PRR5L: variants seen among roughly 807,000 people sequenced by gnomAD.
The protein encoded by PRR5L is proline rich 5 like.
Under a neutral mutation model 36.4 loss-of-function variants are expected in PRR5L, and 21 were observed. The observed-to-expected ratio is 0.58, with a 90% CI of 0.41 to 0.83. The LOEUF (loss-of-function observed/expected upper bound fraction) is 0.83. PRR5L is among the 40% of genes least tolerant of loss of function. The pLI is 0.00. For missense variants in PRR5L, 381 were observed against 473.3 expected (o/e 0.80, Z 1.81); for synonymous variants, 188 against 197.0 (o/e 0.95, Z 0.38).
At chr11:36,411,012 G>C (rs1356887543) in intron 3 of PRR5L, among the ~76,000 whole-genome samples, 1 of 152,230 alleles carries the variant, frequency 6.6e-6, no homozygotes, top group Admixed American at 6.5e-5. Context: ...CTACTTGCCA[G>C]ATGGCGCAGA....
At chr11:36,351,784 T>TA (rs61146122) in intron 1 of PRR5L, among the ~76,000 whole-genome samples, 85,764 of 107,668 alleles carry the variant, frequency 0.8, 33,526 homozygotes, top group East Asian at 0.94. Context: ...TATTTATATA[T>TA]TTTTTTTATA....
At chr11:36,351,303 T>TATTTATAA (rs1856943739) in intron 1 of PRR5L, among the ~76,000 whole-genome samples, 1 of 74,450 alleles carries the variant, frequency 1.3e-5, no homozygotes, top group Non-Finnish European at 2.3e-5. Context: ...TATTTATATA[T>TATTTATAA]ATATTTATAT....
chr11:36,399,308 AAAGTT>A (rs1209325707), intron 1 of PRR5L, among the ~76,000 whole-genome samples: 3 of 152,216 alleles, frequency 2.0e-5, no homozygotes, highest in Admixed American at 6.5e-5. Flanking sequence ...TTAAAAGAAA[AAAGTT>A]AAGAGACAGG....
intron 8 of PRR5L, among the ~76,000 whole-genome samples, chr11:36,459,431 T>A (rs989976622): frequency 6.6e-6 from 1 of 152,216 alleles, no homozygotes; most frequent in Non-Finnish European, 1.5e-5. Flanking sequence ...CTCCCGAGGC[T>A]TCAGTTATCT....
intron 1 of PRR5L, among the ~76,000 whole-genome samples, chr11:36,318,554 T>C (rs1353587928): frequency 2.0e-5 from 3 of 152,078 alleles, no homozygotes; most frequent in Non-Finnish European, 4.4e-5. Context: ...TGAATCACGA[T>C]GGACATTTTG....
intron 6 of PRR5L, 79 bp from the exon 7 acceptor site, chr11:36,446,221 G>GT: frequency 6.6e-7 from 1 of 1,518,022 alleles, no homozygotes; most frequent in Non-Finnish European, 9.0e-7. Flanking sequence ...ATAAACATGT[G>GT]TTGTCTTGAA....
chr11:36,390,368 G>A (rs528351195), intron 1 of PRR5L, among the ~76,000 whole-genome samples: 1 of 152,248 alleles, frequency 6.6e-6, no homozygotes, highest in Non-Finnish European at 1.5e-5. Context: ...GCAGACTTCA[G>A]AGTGGTGAGA....
chr11:36,411,753 G>A (rs945355176), intron 3 of PRR5L, among the ~76,000 whole-genome samples: 1 of 152,170 alleles, frequency 6.6e-6, no homozygotes, highest in Non-Finnish European at 1.5e-5. Context: ...CCAAAGCTCT[G>A]CCTCCACCTT....
intron 3 of PRR5L, among the ~76,000 whole-genome samples, chr11:36,404,768 G>A (rs1452286813): frequency 6.6e-6 from 1 of 152,064 alleles, no homozygotes; most frequent in Non-Finnish European, 1.5e-5. Context: ...CTTTAGAATT[G>A]TATTAAATTT....
chr11:36,417,283 C>T (rs1019483565), intron 3 of PRR5L, among the ~76,000 whole-genome samples: 5 of 152,292 alleles, frequency 3.3e-5, no homozygotes, highest in East Asian at 3.9e-4. Flanking sequence ...CCAAGGATGA[C>T]GAAGACTTTG....
chr11:36,351,983 T>C (rs1199123287), intron 1 of PRR5L, among the ~76,000 whole-genome samples: 1 of 151,820 alleles, frequency 6.6e-6, no homozygotes, highest in Non-Finnish European at 1.5e-5. Flanking sequence ...TACTTTTAGT[T>C]CTTTAAGGAA....
intron 1 of PRR5L, among the ~76,000 whole-genome samples, chr11:36,303,094 T>C (rs74585827): frequency 5.6e-4 from 85 of 152,286 alleles, no homozygotes; most frequent in African/African-American, 1.8e-3. Context: ...TTAGTCTCTC[T>C]GTGTGGAGAA....
At chr11:36,384,733 C>T (rs1341454425) in intron 1 of PRR5L, among the ~76,000 whole-genome samples, 1 of 151,636 alleles carries the variant, frequency 6.6e-6, no homozygotes, top group Non-Finnish European at 1.5e-5. Context: ...AGTGCAGTGG[C>T]ATGATTGTAG....
chr11:36,331,673 C>T (rs1392124467), intron 1 of PRR5L, among the ~76,000 whole-genome samples: 2 of 152,178 alleles, frequency 1.3e-5, no homozygotes, highest in East Asian at 1.9e-4. Flanking sequence ...GATATTAAAA[C>T]TCATTTTCAA....
In PRR5L at chr11:36,344,285, T is replaced by G. The variant is rs1856844687; in HGVS notation, c.-126+47847T>G. Among the ~76,000 whole-genome samples, 1 of 152,220 alleles carries G rather than the reference T, an allele frequency of 6.6e-6. No homozygotes were observed. Among genetic ancestry groups the G allele is most frequent in the African/African-American group, 2.4e-5 (1 of 41,450 alleles). On this transcript the variant is annotated intron_variant, in intron 1 of 8. Transcript: ENST00000530639. The surrounding 1 kb of genome is among the most constrained non-coding windows in gnomAD (Gnocchi z 4.1). ...ATATAAATGTATGAAATAGTCTAAT[T>G]CCACTACTCACAGAAAATCATGTTA...
intron 8 of PRR5L, among the ~76,000 whole-genome samples, chr11:36,456,012 G>A (rs949838526): frequency 6.6e-6 from 1 of 152,080 alleles, no homozygotes; most frequent in African/African-American, 2.4e-5. Context: ...GTCATCAGCA[G>A]GGGGAGAGAG....
At chr11:36,403,426 C>A in intron 3 of PRR5L, 48 bp downstream of exon 3, 1 of 1,491,540 alleles carries the variant, frequency 6.7e-7, no homozygotes, top group Non-Finnish European at 9.3e-7. Context: ...TAAACCTGAG[C>A]AGGGGCATAG....
chr11:36,412,373 G>A (rs370108443), intron 3 of PRR5L, among the ~76,000 whole-genome samples: 12 of 152,254 alleles, frequency 7.9e-5, no homozygotes, highest in African/African-American at 2.2e-4. Flanking sequence ...AAAAAATGCC[G>A]GGTTCCATCC....
chr11:36,433,697 G>A (rs1449178831), intron 5 of PRR5L, among the ~76,000 whole-genome samples: 2 of 152,236 alleles, frequency 1.3e-5, no homozygotes, highest in African/African-American at 4.8e-5. Context: ...TTACAGGCAC[G>A]TGCCACCACG....
Sources: gnomAD v4.1 joint callset for allele counts (sites outside exome capture counted in the v4.1 genomes callset) on GRCh38, gnomAD v4.1.1 for gene constraint, Gnocchi (gnomAD v3.1) non-coding constraint, MANE v1.5 for transcripts, NCBI Gene and HGNC (gene_info 2026-07-23, HGNC 2026-07-21) for gene names.